The following PSMD14 variants were observed in gnomAD, a reference collection of about 807,000 sequenced individuals.
PSMD14 encodes ubiquitin C-terminal hydrolase PSMD14.
Under a neutral mutation model 41.2 loss-of-function variants are expected in PSMD14, and 7 were observed. That is an observed-to-expected ratio of 0.17 (90% confidence interval 0.10 to 0.32). The LOEUF (loss-of-function observed/expected upper bound fraction) is 0.32. Among genes scored for constraint, PSMD14 ranks in the 10% least tolerant of loss-of-function variants. The pLI is 1.00. For missense variants in PSMD14, 139 were observed against 375.6 expected, an observed-to-expected ratio of 0.37 and a Z score of 5.21; for synonymous variants, 114 against 122.3, an observed-to-expected ratio of 0.93 and a Z score of 0.45.
intron 3 of PSMD14, among the ~76,000 whole-genome samples, chr2:161,338,145 G>A (rs184244165): frequency 2.6e-5 from 4 of 152,310 alleles, no homozygotes; most frequent in South Asian, 2.1e-4. Context: ...GTGAGTTGTA[G>A]AGCCCTTGAT....
At chr2:161,311,968 A>G (rs1689093103) in intron 1 of PSMD14, among the ~76,000 whole-genome samples, 1 of 152,026 alleles carries the variant, frequency 6.6e-6, no homozygotes. Context: ...TCCTATTTAT[A>G]TAATTAAATT....
intron 9 of PSMD14, among the ~76,000 whole-genome samples, chr2:161,394,057 G>A (rs1447715254): frequency 7.4e-6 from 1 of 134,550 alleles, no homozygotes; most frequent in East Asian, 2.2e-4. Context: ...TGCAACCTCC[G>A]TCTCCCGGGG....
chr2:161,411,240 T>C (rs1684019887), intron 11 of PSMD14, 62 bp from the exon 12 acceptor site: 5 of 1,138,718 alleles, frequency 4.4e-6, no homozygotes, highest in Non-Finnish European at 6.2e-6. Flanking sequence ...GAAAAAAATT[T>C]AAGTAATTTA....
chr2:161,365,237 G>T (rs1463952369), intron 3 of PSMD14, among the ~76,000 whole-genome samples: 1 of 152,222 alleles, frequency 6.6e-6, no homozygotes, highest in African/African-American at 2.4e-5. Context: ...TTCTGAATCA[G>T]AAGAAAGGCC....
At chr2:161,359,586 A>C (rs1683260994) in intron 3 of PSMD14, among the ~76,000 whole-genome samples, 1 of 152,148 alleles carries the variant, frequency 6.6e-6, no homozygotes. Flanking sequence ...TGCTCTCTAT[A>C]GCCCACTGTG....
chr2:161,322,501 T>C (rs1258382670), intron 3 of PSMD14, among the ~76,000 whole-genome samples: 1 of 152,172 alleles, frequency 6.6e-6, no homozygotes, highest in Non-Finnish European at 1.5e-5. Context: ...GTGATTCTCC[T>C]GCCTCAGCCT....
chr2:161,410,704 C>T (rs1684012420), intron 11 of PSMD14, among the ~76,000 whole-genome samples: 1 of 152,018 alleles, frequency 6.6e-6, no homozygotes, highest in Non-Finnish European at 1.5e-5. Context: ...ACATTCTTAA[C>T]ATTTTAGAAT....
chr2:161,344,287 T>C (rs62194490), intron 3 of PSMD14, among the ~76,000 whole-genome samples: 25,708 of 152,168 alleles, frequency 0.17, 2,743 homozygotes, highest in East Asian at 0.3. Context: ...TCATTTCTCA[T>C]AGTTCTGGAG....
Position 161,351,848 on chromosome 2 carries a change from A to C in PSMD14, c.49-15630A>C, listed in dbSNP as rs182158509. Among the ~76,000 whole-genome samples, 108 of 152,248 alleles carry C rather than the reference A, an allele frequency of 7.1e-4. No homozygotes were observed. In the East Asian group the frequency reaches 0.02, roughly 28 times the overall value. On this transcript the variant is annotated intron_variant, in intron 3 of 11. Transcript: ENST00000409682. ...AAAGTGACATGGCCACTCTGCTTAC[A>C]TTTTATTGGCTGAAGAGGGTCACAT...
intron 10 of PSMD14, among the ~76,000 whole-genome samples, chr2:161,400,939 A>G (rs539436514): frequency 7.9e-5 from 12 of 152,196 alleles, no homozygotes; most frequent in Non-Finnish European, 4.4e-5. Flanking sequence ...ACCATAAAAC[A>G]TACACTAATC....
In PSMD14 at chr2:161,313,190, A is replaced by G. The variant is rs569720610; in HGVS notation, c.-137-3247A>G. Among the ~76,000 whole-genome samples, 7 of 152,330 alleles carry G rather than the reference A, an allele frequency of 4.6e-5. No homozygotes were observed. The South Asian group carries it at 1.2e-3, about 27-fold the overall frequency. On this transcript the variant is annotated intron_variant, in intron 1 of 11. Transcript: ENST00000409682. ...AATCTGGCACTCTGACTGTAGAGTC[A>G]TAGTACTTGACTCTCATGTACCAGG... is the stretch of plus-strand genomic sequence containing the variant.
intron 3 of PSMD14, among the ~76,000 whole-genome samples, chr2:161,358,732 C>T (rs1189369161): frequency 6.6e-6 from 1 of 152,154 alleles, no homozygotes; most frequent in Non-Finnish European, 1.5e-5. Flanking sequence ...ATCATGAGAT[C>T]AGGAGTTTGA....
intron 10 of PSMD14, among the ~76,000 whole-genome samples, chr2:161,399,563 T>C (rs1683847942): frequency 6.6e-6 from 1 of 152,154 alleles, no homozygotes; most frequent in South Asian, 2.1e-4. Flanking sequence ...GAGCAGTATA[T>C]ACACTGCACC....
At chr2:161,315,898 C>T (rs893083014) in intron 1 of PSMD14, among the ~76,000 whole-genome samples, 1 of 139,626 alleles carries the variant, frequency 7.2e-6, no homozygotes, top group African/African-American at 2.7e-5. Context: ...GGCTGGAGTG[C>T]AATGGCGCGT....
intron 7 of PSMD14, among the ~76,000 whole-genome samples, chr2:161,379,994 G>A (rs1487942120): frequency 1.3e-5 from 2 of 152,058 alleles, no homozygotes; most frequent in African/African-American, 2.4e-5. Flanking sequence ...AAAGCTGGAG[G>A]TTGTGAGTCA....
chr2:161,411,215 G>C, intron 11 of PSMD14, 87 bp from the exon 12 acceptor site: 1 of 725,074 alleles, frequency 1.4e-6, no homozygotes, highest in Non-Finnish European at 2.2e-6. Flanking sequence ...TTCTTTACTA[G>C]TTTCATCAGC....
intron 1 of PSMD14, among the ~76,000 whole-genome samples, chr2:161,312,668 G>A (rs1689103514): frequency 6.6e-6 from 1 of 152,158 alleles, no homozygotes; most frequent in Non-Finnish European, 1.5e-5. Flanking sequence ...TTTCCATAAA[G>A]TTAATTATAT....
chr2:161,320,747 A>G (rs892102007), intron 3 of PSMD14, among the ~76,000 whole-genome samples: 62 of 151,844 alleles, frequency 4.1e-4, no homozygotes, highest in African/African-American at 1.4e-3. Flanking sequence ...TTTTTTTGAG[A>G]TGGAGTCTCA....
At position 161,411,410 on chromosome 2, in the gene PSMD14, A is replaced by G. The variant is rs909428362; in HGVS notation, c.*10A>G. The G allele has an allele frequency of 5.1e-6, 8 of 1,565,236 alleles. No individual in the cohort carries two copies. The highest frequency in any genetic ancestry group is 3.5e-5 in the Admixed American group (2 of 57,916). On this transcript the variant is annotated 3_prime_UTR_variant, in exon 12 of 12. Transcript: ENST00000409682. ...TGTCGTATTTAAATAAAGCAACGAA[A>G]AACGCTATTAATGATGCCTTCAGTG...
Sources: gnomAD v4.1 joint callset for allele counts (sites outside exome capture counted in the v4.1 genomes callset) on GRCh38, gnomAD v4.1.1 for gene constraint, MANE v1.5 for transcripts, NCBI Gene and HGNC (gene_info 2026-07-23, HGNC 2026-07-21) for gene names.